The following ATOSB variants were observed in gnomAD, a reference collection of about 807,000 sequenced individuals.
The protein encoded by ATOSB is atos homolog B.
chr9:35,108,264 A>T, the ATOSB span: 3,516 of 1,551,334 alleles, frequency 2.3e-3, 21 homozygotes, highest in Middle Eastern at 0.018. Flanking sequence ...CTCCGCCTGC[A>T]CGTGGCGCAT....
At chr9:35,107,481 C>T in the ATOSB span, 133 of 1,609,758 alleles carry the variant, frequency 8.3e-5, no homozygotes, top group East Asian at 2.9e-4. Flanking sequence ...GGATCCCCGG[C>T]GCCTCCGAGG....
chr9:35,106,561 G>A, the ATOSB span: 250 of 1,575,242 alleles, frequency 1.6e-4, no homozygotes, highest in Non-Finnish European at 1.8e-4. This position sits in a 1 kb window ranked among gnomAD's most constrained non-coding sequence, Gnocchi z 4.6. Flanking sequence ...AGCAGGGTAC[G>A]GCTGACAGCA....
the ATOSB span, chr9:35,106,775 G>C: frequency 1.3e-6 from 2 of 1,538,160 alleles, no homozygotes; most frequent in Admixed American, 2.0e-5. This position sits in a 1 kb window ranked among gnomAD's most constrained non-coding sequence, Gnocchi z 4.6. Context: ...GCTGGAAAGA[G>C]TACAGACTTC....
chr9:35,109,020 T>G, the ATOSB span: 1 of 152,076 alleles, frequency 6.6e-6, no homozygotes, highest in Non-Finnish European at 1.5e-5. Context: ...CTGCCCTACA[T>G]GGAGGAAGGG....
the ATOSB span, chr9:35,105,882 G>T: frequency 6.2e-7 from 1 of 1,613,976 alleles, no homozygotes; most frequent in Non-Finnish European, 8.5e-7. The surrounding 1 kb of genome is among the most constrained non-coding windows in gnomAD (Gnocchi z 5.5). Flanking sequence ...GTCAAGGTTG[G>T]TAGGGCCTGA....
chr9:35,105,463 G>A, the ATOSB span: 4 of 1,471,902 alleles, frequency 2.7e-6, no homozygotes, highest in Non-Finnish European at 3.7e-6. This position sits in a 1 kb window ranked among gnomAD's most constrained non-coding sequence, Gnocchi z 5.5. Flanking sequence ...AGACCCAGGT[G>A]GGAGGACTGC....
the ATOSB span, chr9:35,107,352 A>T: frequency 6.3e-7 from 1 of 1,575,932 alleles, no homozygotes; most frequent in Non-Finnish European, 8.6e-7. Flanking sequence ...AAGTAAAAAA[A>T]GAGTAAATGA....
At chr9:35,116,033 C>G in the ATOSB span, 2 of 152,574 alleles carry the variant, frequency 1.3e-5, no homozygotes, top group Admixed American at 1.3e-4. Context: ...GGGCCCCGCC[C>G]CCTTCTGACC....
chr9:35,115,441 G>A, the ATOSB span, among the ~76,000 whole-genome samples: 3 of 151,960 alleles, frequency 2.0e-5, no homozygotes, highest in East Asian at 3.9e-4. Context: ...CTCAAGTTGG[G>A]CCTACAACCC....
the ATOSB span, among the ~76,000 whole-genome samples, chr9:35,115,436 G>A: frequency 1.3e-5 from 2 of 151,932 alleles, no homozygotes; most frequent in Admixed American, 6.6e-5. Context: ...CCTGCCTCAA[G>A]TTGGGCCTAC....
the ATOSB span, among the ~76,000 whole-genome samples, chr9:35,113,368 G>C: frequency 1.3e-5 from 2 of 152,210 alleles, no homozygotes; most frequent in Non-Finnish European, 2.9e-5. Context: ...GCTCACGCCT[G>C]TAATCCCAGC....
chr9:35,107,482 G>A, the ATOSB span: 11 of 1,608,994 alleles, frequency 6.8e-6, no homozygotes, highest in African/African-American at 8.0e-5. Context: ...GATCCCCGGC[G>A]CCTCCGAGGG....
At chr9:35,116,080 G>A in the ATOSB span, among the ~76,000 whole-genome samples, 2 of 151,288 alleles carry the variant, frequency 1.3e-5, no homozygotes, top group African/African-American at 4.9e-5. Context: ...ATTTCCCCAG[G>A]ATCCTCAGCT....
the ATOSB span, chr9:35,104,684 G>A: frequency 2.7e-6 from 1 of 370,056 alleles, no homozygotes; most frequent in Non-Finnish European, 5.7e-6. Flanking sequence ...TTTGGCTACT[G>A]ACTCAGTCCC....
At chr9:35,108,470 T>C in the ATOSB span, 2 of 1,339,746 alleles carry the variant, frequency 1.5e-6, no homozygotes, top group African/African-American at 3.0e-5. Context: ...CAAGGATGAA[T>C]GTGTACAAAT....
chr9:35,106,375 G>A, the ATOSB span: 1 of 1,614,178 alleles, frequency 6.2e-7, no homozygotes, highest in Non-Finnish European at 8.5e-7. This position sits in a 1 kb window ranked among gnomAD's most constrained non-coding sequence, Gnocchi z 4.6. Flanking sequence ...CCTCAATGTG[G>A]CCAGATGGTG....
At chr9:35,113,361 C>CACGCCTG in the ATOSB span, among the ~76,000 whole-genome samples, 7 of 152,182 alleles carry the variant, frequency 4.6e-5, no homozygotes, top group Non-Finnish European at 8.8e-5. Flanking sequence ...TACGGTGGCT[C>CACGCCTG]ACGCCTGTAA....
the ATOSB span, chr9:35,108,192 AG>A: frequency 6.3e-7 from 1 of 1,597,008 alleles, no homozygotes; most frequent in Admixed American, 1.7e-5. Flanking sequence ...GCCACCCTGG[AG>A]GGCCCCCTGC....
chr9:35,111,237 G>A, the ATOSB span: 3 of 152,528 alleles, frequency 2.0e-5, no homozygotes, highest in Non-Finnish European at 4.4e-5. Flanking sequence ...CTGGAGCTTC[G>A]GAGATTTGCT....
Sources: allele counts gnomAD v4.1 joint callset (sites outside exome capture counted in the v4.1 genomes callset), GRCh38; gene constraint gnomAD v4.1.1; non-coding constraint Gnocchi (gnomAD v3.1); transcripts MANE v1.5; gene names NCBI Gene and HGNC (gene_info 2026-07-23, HGNC 2026-07-21).